RANBP2: variants seen among roughly 807,000 people sequenced by gnomAD.
The protein encoded by RANBP2 is RAN binding protein 2.
In RANBP2, 57 loss-of-function variants were observed where a neutral mutation model predicts 303.6. That is an observed-to-expected ratio of 0.19 (90% confidence interval 0.15 to 0.23). The LOEUF (loss-of-function observed/expected upper bound fraction) is 0.23, where lower values mean the gene tolerates loss of function less well. Among genes scored for constraint, RANBP2 ranks in the 10% least tolerant of loss-of-function variants. The pLI is 1.00. For missense variants in RANBP2, 3,138 were observed against 3,780.8 expected, an observed-to-expected ratio of 0.83 and a Z score of 4.46; for synonymous variants, 1,167 against 1,301.5, an observed-to-expected ratio of 0.90 and a Z score of 2.23.
At chr2:108,871,052 G>A in the RANBP2 span, among the ~76,000 whole-genome samples, 1 of 152,000 alleles carries the variant, frequency 6.6e-6, no homozygotes, top group African/African-American at 2.4e-5. Context: ...TTTAGAAATA[G>A]CCGTCATTAA....
chr2:108,973,821 C>T, the RANBP2 span, among the ~76,000 whole-genome samples: 2 of 152,284 alleles, frequency 1.3e-5, no homozygotes, highest in South Asian at 4.1e-4. Context: ...CTTTTGAATG[C>T]CCCACAGACT....
chr2:108,769,463 G>T (rs1205188838), intron 20 of RANBP2: 1 of 858,574 alleles, frequency 1.2e-6, no homozygotes, highest in Non-Finnish European at 1.4e-6. Flanking sequence ...GCATGTTAAA[G>T]AATGCCAGTT....
the RANBP2 span, chr2:109,129,858 C>G: frequency 6.5e-7 from 1 of 1,526,980 alleles, no homozygotes; most frequent in East Asian, 2.5e-5. Context: ...GCGGCGTGGA[C>G]GAACTGCCCG....
chr2:109,126,697 A>G, the RANBP2 span, among the ~76,000 whole-genome samples: 1 of 152,236 alleles, frequency 6.6e-6, no homozygotes, highest in Non-Finnish European at 1.5e-5. Context: ...GGACAGCAAC[A>G]CACACTGCAG....
At chr2:109,203,808 G>A in the RANBP2 span, among the ~76,000 whole-genome samples, 50 of 127,888 alleles carry the variant, frequency 3.9e-4, no homozygotes, top group African/African-American at 1.2e-3. Flanking sequence ...TCTCATGCAC[G>A]CCTCGACTCT....
the RANBP2 span, chr2:109,615,023 C>G: frequency 1.3e-6 from 2 of 1,546,796 alleles, no homozygotes; most frequent in African/African-American, 2.7e-5. Flanking sequence ...ACCTGGAGCT[C>G]CCGCCACATG....
the RANBP2 span, among the ~76,000 whole-genome samples, chr2:109,148,235 G>GT: frequency 6.6e-6 from 1 of 152,242 alleles, no homozygotes; most frequent in Non-Finnish European, 1.5e-5. Flanking sequence ...ACCTTCTGCA[G>GT]TATCTGTTTT....
the RANBP2 span, among the ~76,000 whole-genome samples, chr2:109,103,436 C>A: frequency 6.6e-6 from 1 of 152,092 alleles, no homozygotes; most frequent in Non-Finnish European, 1.5e-5. Context: ...TCAATCAATC[C>A]GTGTGAGGTA....
the RANBP2 span, among the ~76,000 whole-genome samples, chr2:109,668,176 C>A: frequency 4.6e-5 from 7 of 152,154 alleles, no homozygotes; most frequent in South Asian, 2.1e-4. Context: ...TTGCAGGACC[C>A]GGGTTCATTT....
chr2:108,997,459 A>AAAAGAAAAG, the RANBP2 span, among the ~76,000 whole-genome samples: 4 of 131,370 alleles, frequency 3.0e-5, no homozygotes, highest in Admixed American at 2.0e-4. Context: ...AAAAAAAAAA[A>AAAAGAAAAG]AAAAGATGAT....
the RANBP2 span, among the ~76,000 whole-genome samples, chr2:109,386,136 G>C: frequency 6.6e-6 from 1 of 152,234 alleles, no homozygotes; most frequent in Non-Finnish European, 1.5e-5. Flanking sequence ...TTGAAAGAGA[G>C]GGTCAAGGCT....
chr2:109,330,591 T>G, the RANBP2 span, among the ~76,000 whole-genome samples: 1 of 152,034 alleles, frequency 6.6e-6, no homozygotes. Flanking sequence ...GGTGGATGGA[T>G]GGATGCATGG....
At chr2:108,922,511 T>C in the RANBP2 span, among the ~76,000 whole-genome samples, 1 of 152,312 alleles carries the variant, frequency 6.6e-6, no homozygotes, top group East Asian at 1.9e-4. Context: ...AGAGAGGAGA[T>C]GCTGCGCCCC....
chr2:108,897,186 A>G, the RANBP2 span: 1 of 1,613,830 alleles, frequency 6.2e-7, no homozygotes. Context: ...GCATTCGGCT[A>G]GTCTTCTCGA....
At chr2:109,560,428 G>C in the RANBP2 span, among the ~76,000 whole-genome samples, 1 of 152,130 alleles carries the variant, frequency 6.6e-6, no homozygotes, top group East Asian at 1.9e-4. Flanking sequence ...TCTCCTATCT[G>C]CTCCTCCAGC....
the RANBP2 span, among the ~76,000 whole-genome samples, chr2:109,225,668 T>C: frequency 6.6e-6 from 1 of 152,282 alleles, no homozygotes; most frequent in African/African-American, 2.4e-5. Flanking sequence ...CCGTCTTGTT[T>C]CCTGTAAATA....
chr2:109,550,089 G>A, the RANBP2 span, among the ~76,000 whole-genome samples: 9 of 151,760 alleles, frequency 5.9e-5, no homozygotes, highest in African/African-American at 1.9e-4. Context: ...TCAGGAGTTC[G>A]AGACCAGCCT....
At position 108,784,019 on chromosome 2, in the gene RANBP2, A is replaced by C. The variant is rs1678442013; in HGVS notation, c.*118A>C. 7.1e-6 allele frequency: 7 copies of C among 984,960 alleles called. No homozygotes were observed. Among genetic ancestry groups the C allele is most frequent in the Non-Finnish European group, 1.0e-5 (7 of 669,126 alleles). The allele number at this position is 984,960 out of a possible 1,614,324, so 61.0% of individuals were successfully genotyped here. On this transcript the variant is annotated 3_prime_UTR_variant, in exon 29 of 29. Transcript: ENST00000283195. ...ATGGACGTTTCCGATTTACAAATGT[A>C]AAATTGCAGCTTATAGCTGTTGTCA...
the RANBP2 span, among the ~76,000 whole-genome samples, chr2:109,157,499 A>T: frequency 6.6e-6 from 1 of 152,228 alleles, no homozygotes; most frequent in African/African-American, 2.4e-5. Flanking sequence ...CACCCTCTGG[A>T]TCTGAAACTG....
Sources: allele counts gnomAD v4.1 joint callset (sites outside exome capture counted in the v4.1 genomes callset), GRCh38; gene constraint gnomAD v4.1.1; transcripts MANE v1.5; gene names NCBI Gene and HGNC (gene_info 2026-07-23, HGNC 2026-07-21).